The following CHD1L variants were observed in gnomAD, a reference collection of about 807,000 sequenced individuals.
CHD1L encodes chromodomain helicase DNA binding protein 1 like, also known as ATP-dependent chromatin remodeler CHD1L.
A neutral mutation model predicts 115.9 loss-of-function variants in CHD1L; 118 were observed. The ratio of observed to expected loss-of-function variants is 1.02; its 90% CI spans 0.88 to 1.19. The LOEUF (loss-of-function observed/expected upper bound fraction) is 1.19. Among genes scored for constraint, CHD1L ranks in the 50% most tolerant of loss-of-function variants. The probability of loss-of-function intolerance (pLI) is 0.00; values close to 1 mark genes in which losing one functional copy is unlikely to be tolerated. For missense variants in CHD1L, 1,179 were observed against 1,065.3 expected (o/e 1.11, Z -1.49); for synonymous variants, 411 against 387.1 (o/e 1.06, Z -0.72).
chr1:147,279,899 CAGAAAGGCTGCCTGTTCATTAG>C, intron 14 of CHD1L, 105 bp from the exon 15 acceptor site: 1 of 881,416 alleles, frequency 1.1e-6, no homozygotes, highest in African/African-American at 1.7e-5. Context: ...ATGGGGAGAG[CAGAAAGGCTGCCTGTTCATTAG>C]AGAAGGACTG....
chr1:147,182,750 G>A, the CHD1L span, among the ~76,000 whole-genome samples: 1 of 152,156 alleles, frequency 6.6e-6, no homozygotes, highest in Non-Finnish European at 1.5e-5. Flanking sequence ...AAGCAAGGCA[G>A]AACAGCAGTG....
chr1:147,280,327 T>G, intron 15 of CHD1L, 136 bp downstream of exon 15: 1 of 845,938 alleles, frequency 1.2e-6, no homozygotes, highest in Non-Finnish European at 1.7e-6. Flanking sequence ...GGCACACTGT[T>G]TAAGACTTGC....
Position 147,276,202 on chromosome 1 carries a change from AAGG to A in CHD1L, c.1488_1490del (p.Gly497del). 1 of 1,614,190 alleles carries A rather than the reference AAGG, an allele frequency of 6.2e-7. No individual in the cohort carries two copies. The highest frequency in any genetic ancestry group is 2.2e-5 in the East Asian group (1 of 44,884). On this transcript the variant is annotated inframe_deletion, in exon 14 of 23. Transcript: ENST00000369258. ...CTGCAGCTCACCAACATGATCATAG[AAGG>A]AGGCCATTTTACTCTGGGAGCCCAG...
chr1:147,280,251 C>G (rs1680314670), intron 15 of CHD1L, 60 bp downstream of exon 15: 1 of 1,489,470 alleles, frequency 6.7e-7, no homozygotes, highest in African/African-American at 1.4e-5. Flanking sequence ...AGCTCACGTC[C>G]CCATGGAAAG....
the CHD1L span, chr1:147,224,240 A>T: frequency 4.3e-6 from 1 of 232,654 alleles, no homozygotes; most frequent in East Asian, 1.2e-4. Flanking sequence ...ATGGACAGAT[A>T]TGATGAGATT....
At chr1:147,275,961 G>C (rs1178396315) in intron 13 of CHD1L, 143 bp from the exon 14 acceptor site, 2 of 781,154 alleles carry the variant, frequency 2.6e-6, no homozygotes, top group Non-Finnish European at 4.1e-6. Context: ...CAAGTGCTCA[G>C]GACCAAATGA....
chr1:147,222,799 T>C, the CHD1L span, among the ~76,000 whole-genome samples: 1 of 152,192 alleles, frequency 6.6e-6, no homozygotes, highest in Non-Finnish European at 1.5e-5. Flanking sequence ...TTAAACCACA[T>C]TGGAGATAAA....
chr1:147,263,994 G>A (rs1672941287), intron 6 of CHD1L, among the ~76,000 whole-genome samples: 1 of 152,116 alleles, frequency 6.6e-6, no homozygotes, highest in South Asian at 2.1e-4. Flanking sequence ...GCTTGCAGTG[G>A]TGGGGCCTGA....
intron 18 of CHD1L, among the ~76,000 whole-genome samples, chr1:147,287,084 A>G (rs1683459176): frequency 1.3e-5 from 2 of 152,222 alleles, no homozygotes; most frequent in Non-Finnish European, 2.9e-5. Flanking sequence ...GCATTAAAAA[A>G]TACACTTATG....
At chr1:147,229,972 T>C in the CHD1L span, among the ~76,000 whole-genome samples, 2 of 147,448 alleles carry the variant, frequency 1.4e-5, no homozygotes, top group Non-Finnish European at 3.0e-5. Context: ...CAATTTGACT[T>C]CCTCTTTTCC....
the CHD1L span, among the ~76,000 whole-genome samples, chr1:147,192,084 C>A: frequency 6.6e-6 from 1 of 152,110 alleles, no homozygotes; most frequent in Non-Finnish European, 1.5e-5. Flanking sequence ...GGCATTTAAT[C>A]TATAAATTAC....
chr1:147,249,531 G>A (rs1667741469), intron 1 of CHD1L, among the ~76,000 whole-genome samples: 4 of 148,568 alleles, frequency 2.7e-5, no homozygotes, highest in South Asian at 2.2e-4. Flanking sequence ...TCAGCCTCCC[G>A]AGTAGCTGGG....
At chr1:147,293,557 G>C in intron 20 of CHD1L, 51 bp from the exon 21 acceptor site, 1 of 1,504,824 alleles carries the variant, frequency 6.6e-7, no homozygotes. Flanking sequence ...TCACTTGGTT[G>C]AGTGTGGCTG....
chr1:147,244,224 T>C (rs1400819944), intron 1 of CHD1L, among the ~76,000 whole-genome samples: 11 of 152,214 alleles, frequency 7.2e-5, no homozygotes, highest in African/African-American at 2.4e-4. Context: ...AGGAGAAACG[T>C]ACATATGGGC....
intron 1 of CHD1L, among the ~76,000 whole-genome samples, chr1:147,250,797 C>T (rs782787170): frequency 2.1e-4 from 30 of 143,422 alleles, no homozygotes; most frequent in Non-Finnish European, 3.8e-4. Flanking sequence ...CTGGAGCAGG[C>T]TTGTGAGGGG....
the CHD1L span, among the ~76,000 whole-genome samples, chr1:147,235,121 G>GTGTA: frequency 6.7e-6 from 1 of 149,620 alleles, no homozygotes; most frequent in African/African-American, 2.5e-5. Flanking sequence ...GTGTGTGTGT[G>GTGTA]TATGTGTGTG....
At chr1:147,218,465 T>C in the CHD1L span, among the ~76,000 whole-genome samples, 1 of 152,000 alleles carries the variant, frequency 6.6e-6, no homozygotes. Context: ...CTCGATCTCC[T>C]GACCTCGTGA....
upstream of CHD1L, among the ~76,000 whole-genome samples, chr1:147,242,436 C>G (rs187966944): frequency 6.6e-6 from 1 of 152,220 alleles, no homozygotes; most frequent in Non-Finnish European, 1.5e-5. Context: ...TTCAGGCAAT[C>G]AGACGTCCTG....
At chr1:147,201,045 C>T in the CHD1L span, 1 of 779,808 alleles carries the variant, frequency 1.3e-6, no homozygotes, top group South Asian at 1.8e-5. Flanking sequence ...TTGTGCTAGG[C>T]ACTGTTGTAA....
Sources: gnomAD v4.1 joint callset for allele counts (sites outside exome capture counted in the v4.1 genomes callset) on GRCh38, gnomAD v4.1.1 for gene constraint, MANE v1.5 for transcripts, NCBI Gene and HGNC (gene_info 2026-07-23, HGNC 2026-07-21) for gene names.